DIAPH2: variants seen among roughly 807,000 people sequenced by gnomAD.
The protein encoded by DIAPH2 is diaphanous related formin 2.
In DIAPH2, 35 loss-of-function variants were observed where a neutral mutation model predicts 92.7. The ratio of observed to expected loss-of-function variants is 0.38; its 90% CI spans 0.29 to 0.50. The LOEUF (loss-of-function observed/expected upper bound fraction) is 0.50. Among genes scored for constraint, DIAPH2 ranks in the 20% least tolerant of loss-of-function variants. The pLI is 0.94. For missense variants in DIAPH2, 701 were observed against 819.5 expected (o/e 0.86, Z 1.77); for synonymous variants, 301 against 280.4 (o/e 1.07, Z -0.73).
chrX:97,437,641 A>G (rs760254520), intron 26 of DIAPH2, among the ~76,000 whole-genome samples: 5 of 110,843 alleles, frequency 4.5e-5, no homozygotes, highest in Admixed American at 9.8e-5. Flanking sequence ...GGCTTTTCAG[A>G]TAAAGGAAAT....
At chrX:96,818,279 A>G (rs1260680565) in intron 4 of DIAPH2, among the ~76,000 whole-genome samples, 1 of 110,149 alleles carries the variant, frequency 9.1e-6, no homozygotes, top group African/African-American at 3.3e-5. Context: ...GTGCCTGGTC[A>G]GTTTAACTTT....
At chrX:97,507,947 ATGGTGT>A (rs1453361697) in intron 26 of DIAPH2, among the ~76,000 whole-genome samples, 1 of 110,999 alleles carries the variant, frequency 9.0e-6, no homozygotes, top group African/African-American at 3.3e-5. Flanking sequence ...GAGCCAGCAG[ATGGTGT>A]TGGTGATAAA....
chrX:97,353,851 G>A (rs957027672), intron 24 of DIAPH2, among the ~76,000 whole-genome samples: 2 of 111,286 alleles, frequency 1.8e-5, no homozygotes, highest in African/African-American at 3.3e-5. Flanking sequence ...GGGTTGCTCT[G>A]TTTCCCAGGC....
intron 26 of DIAPH2, among the ~76,000 whole-genome samples, chrX:97,452,079 A>G (rs184834392): frequency 1.9e-3 from 217 of 111,703 alleles, no homozygotes; most frequent in African/African-American, 6.8e-3. Context: ...ATTTAAATAT[A>G]TAACACCAAT....
chrX:96,906,243 A>G (rs1445665432), intron 5 of DIAPH2, among the ~76,000 whole-genome samples: 2 of 112,962 alleles, frequency 1.8e-5, no homozygotes, highest in Admixed American at 1.9e-4. Context: ...CTGAGATGAC[A>G]GGCATGACAC....
intron 26 of DIAPH2, among the ~76,000 whole-genome samples, chrX:97,500,751 G>T (rs962498466): frequency 5.0e-5 from 4 of 79,843 alleles, no homozygotes; most frequent in Non-Finnish European, 9.4e-5. Context: ...TTTCACAACA[G>T]CCATTCAAGG....
chrX:97,474,761 A>G lies in DIAPH2; in HGVS notation c.3241+45016A>G, dbSNP rs773293521. 2.0e-4 allele frequency among the ~76,000 whole-genome samples: 15 copies of G among 75,612 alleles called. No homozygotes were observed. In the East Asian group the frequency reaches 3.4e-3, roughly 17 times the overall value. The allele number at this position is 75,612 out of a possible 115,157, so 65.7% of individuals were successfully genotyped here. A position where few individuals can be genotyped will look rare whatever the true frequency, so the allele number is the denominator to read the frequency against. On this transcript the variant is annotated intron_variant, in intron 26 of 26. Coordinates refer to ENST00000324765, the MANE Select transcript of DIAPH2 (RefSeq NM_006729.5). ...AGCCTGAGTGACAGAGCATGACTCC[A>G]TCTCAAAAAAAAAAAAAATTAATAA...
At chrX:97,294,692 A>G (rs1038569882) in intron 23 of DIAPH2, among the ~76,000 whole-genome samples, 2 of 111,858 alleles carry the variant, frequency 1.8e-5, no homozygotes, top group Non-Finnish European at 3.8e-5. Context: ...CACTATCATC[A>G]TCATATTTTT....
intron 23 of DIAPH2, among the ~76,000 whole-genome samples, chrX:97,290,495 T>C: frequency 8.9e-6 from 1 of 112,184 alleles, no homozygotes; most frequent in East Asian, 2.8e-4. Context: ...ATGTAGCCAG[T>C]ACAATATGAA....
At chrX:97,361,679 C>A (rs1280697979) in intron 24 of DIAPH2, among the ~76,000 whole-genome samples, 2 of 112,052 alleles carry the variant, frequency 1.8e-5, no homozygotes, top group African/African-American at 6.5e-5. Flanking sequence ...TCTGTTCTGC[C>A]ATCCTTGGCA....
chrX:97,292,528 A>G (rs2068601140), intron 23 of DIAPH2, among the ~76,000 whole-genome samples: 1 of 108,172 alleles, frequency 9.2e-6, no homozygotes, highest in Admixed American at 1.0e-4. Context: ...CAGAGAACCT[A>G]TGTGCCAATT....
intron 26 of DIAPH2, among the ~76,000 whole-genome samples, chrX:97,555,825 A>G (rs1291146772): frequency 8.9e-6 from 1 of 112,139 alleles, no homozygotes; most frequent in Non-Finnish European, 1.9e-5. Context: ...CCAGGTTTTA[A>G]ATATGAGTAC....
At chrX:97,103,364 C>T (rs2066918329) in intron 20 of DIAPH2, among the ~76,000 whole-genome samples, 1 of 111,224 alleles carries the variant, frequency 9.0e-6, no homozygotes, top group Non-Finnish European at 1.9e-5. Context: ...CTACTGCCTT[C>T]TCTCCATTTC....
At chrX:97,092,081 A>G (rs1176967060) in intron 19 of DIAPH2, among the ~76,000 whole-genome samples, 1 of 111,953 alleles carries the variant, frequency 8.9e-6, no homozygotes, top group Non-Finnish European at 1.9e-5. Context: ...GCTCTAGACC[A>G]GTAGAGTTTG....
rs189812099 is a variant in DIAPH2, at chrX:97,269,108, G to T, written c.2844+21269G>T. Among the ~76,000 whole-genome samples, 3 of 111,454 alleles carry T rather than the reference G, an allele frequency of 2.7e-5. No homozygotes were observed. The Admixed American group carries it at 2.9e-4, about 11-fold the overall frequency. ...CTGACCTTGTGATCCACCCGCATCC[G>T]CCTCCCAGAGTGCTGGGATTACAGG... On this transcript the variant is annotated intron_variant, in intron 23 of 26. Transcript: ENST00000324765.
chrX:97,411,048 C>T (rs2069866529), intron 25 of DIAPH2, among the ~76,000 whole-genome samples: 2 of 111,172 alleles, frequency 1.8e-5, no homozygotes, highest in South Asian at 3.8e-4. Context: ...TCAGGAAAAA[C>T]AGAGACCGCC....
chrX:96,723,701 C>T (rs1030834512), intron 1 of DIAPH2, among the ~76,000 whole-genome samples: 1 of 111,511 alleles, frequency 9.0e-6, no homozygotes, highest in Admixed American at 9.5e-5. Context: ...ATCAGGGCTA[C>T]GAAGGGCCCA....
chrX:96,887,419 A>G (rs1265750232), intron 5 of DIAPH2, among the ~76,000 whole-genome samples: 4 of 111,120 alleles, frequency 3.6e-5, no homozygotes, highest in African/African-American at 1.3e-4. Context: ...GGGACATACT[A>G]TTGACTATTT....
chrX:96,986,466 A>T (rs1202341151), intron 17 of DIAPH2, among the ~76,000 whole-genome samples: 1 of 111,629 alleles, frequency 9.0e-6, no homozygotes, highest in African/African-American at 3.2e-5. Flanking sequence ...GAGGAAGTTG[A>T]CTTTAGGACC....
Sources: allele counts gnomAD v4.1 joint callset (sites outside exome capture counted in the v4.1 genomes callset), GRCh38; gene constraint gnomAD v4.1.1; transcripts MANE v1.5; gene names NCBI Gene and HGNC (gene_info 2026-07-23, HGNC 2026-07-21).